Variants in RAD17 observed in about 807,000 individuals in gnomAD.
RAD17 encodes the protein cell cycle checkpoint protein RAD17.
RAD17 carries 31 observed loss-of-function variants against 81.5 expected under a neutral mutation model. That is an observed-to-expected ratio of 0.38 (90% confidence interval 0.29 to 0.51). The LOEUF (loss-of-function observed/expected upper bound fraction) is 0.51, where lower values mean the gene tolerates loss of function less well. Among genes scored for constraint, RAD17 ranks in the 20% least tolerant of loss-of-function variants. The probability of loss-of-function intolerance (pLI) is 0.88; values close to 1 mark genes in which losing one functional copy is unlikely to be tolerated. For missense variants in RAD17, 681 were observed against 781.2 expected (o/e 0.87, Z 1.53); for synonymous variants, 261 against 266.2 (o/e 0.98, Z 0.19).
intron 13 of RAD17, among the ~76,000 whole-genome samples, chr5:69,392,215 A>G (rs533799470): frequency 1.3e-5 from 2 of 152,318 alleles, no homozygotes; most frequent in East Asian, 1.9e-4. Context: ...AAGTAAAAAC[A>G]TGCAATTGCA....
intron 6 of RAD17, 83 bp downstream of exon 6, chr5:69,374,794 G>A: frequency 8.3e-7 from 1 of 1,204,080 alleles, no homozygotes; most frequent in Non-Finnish European, 1.2e-6. Context: ...AAAGTTTTAT[G>A]ATGATTTTGT....
intron 17 of RAD17, among the ~76,000 whole-genome samples, chr5:69,403,300 A>C (rs1259990553): frequency 1.3e-5 from 2 of 152,178 alleles, no homozygotes; most frequent in African/African-American, 4.8e-5. Flanking sequence ...TTAGAGGGAT[A>C]TAGGACAGTT....
intron 6 of RAD17, among the ~76,000 whole-genome samples, chr5:69,378,608 A>T (rs1763653997): frequency 6.6e-6 from 1 of 152,238 alleles, no homozygotes; most frequent in African/African-American, 2.4e-5. Flanking sequence ...GAAAAACACT[A>T]AATTAGGTTT....
chr5:69,395,666 C>T (rs1053528531), intron 15 of RAD17, among the ~76,000 whole-genome samples: 1 of 151,912 alleles, frequency 6.6e-6, no homozygotes, highest in Non-Finnish European at 1.5e-5. Flanking sequence ...TAAATATATA[C>T]AGCTACTAAG....
chr5:69,384,586 G>A (rs1764060883), intron 7 of RAD17, among the ~76,000 whole-genome samples: 1 of 152,196 alleles, frequency 6.6e-6, no homozygotes, highest in Middle Eastern at 3.2e-3. Context: ...AAAGTGCTGG[G>A]ATTACAGGCG....
intron 18 of RAD17, among the ~76,000 whole-genome samples, chr5:69,411,655 A>T (rs1192017839): frequency 6.6e-6 from 1 of 152,198 alleles, no homozygotes; most frequent in African/African-American, 2.4e-5. Context: ...CAGAAAGACC[A>T]TGATGGATGG....
intron 8 of RAD17, 70 bp downstream of exon 8, chr5:69,385,003 A>G (rs1172099004): frequency 1.5e-6 from 2 of 1,331,690 alleles, no homozygotes; most frequent in African/African-American, 3.1e-5. Context: ...ACTGTCACCC[A>G]GGCTGGAGTG....
chr5:69,398,754 C>T (rs1168271579), intron 16 of RAD17, among the ~76,000 whole-genome samples: 1 of 149,656 alleles, frequency 6.7e-6, no homozygotes, highest in Non-Finnish European at 1.5e-5. Context: ...TGCAGTGAGC[C>T]GAGATCATGC....
intron 17 of RAD17, among the ~76,000 whole-genome samples, chr5:69,404,798 C>T (rs1765490046): frequency 6.6e-6 from 1 of 151,468 alleles, no homozygotes; most frequent in South Asian, 2.1e-4. Context: ...TAAAATTAGC[C>T]GGGTGTAGTG....
chr5:69,394,866 G>C (rs1764787690), intron 15 of RAD17, among the ~76,000 whole-genome samples: 2 of 152,150 alleles, frequency 1.3e-5, no homozygotes, highest in Admixed American at 1.3e-4. Flanking sequence ...TATGAGACCA[G>C]CTGGGGCAAT....
chr5:69,383,567 A>T (rs913759250), intron 7 of RAD17, among the ~76,000 whole-genome samples: 58 of 151,400 alleles, frequency 3.8e-4, no homozygotes, highest in African/African-American at 1.3e-3. Flanking sequence ...TTTAGTAGAG[A>T]TGGGGTTTCA....
At chr5:69,394,116 A>G (rs1240081866) in intron 15 of RAD17, among the ~76,000 whole-genome samples, 1 of 147,700 alleles carries the variant, frequency 6.8e-6, no homozygotes, top group Non-Finnish European at 1.5e-5. Flanking sequence ...GTCCAGTGGT[A>G]CAAACATGGT....
intron 17 of RAD17, among the ~76,000 whole-genome samples, chr5:69,401,429 A>C (rs1765259988): frequency 1.3e-5 from 2 of 152,202 alleles, no homozygotes; most frequent in South Asian, 4.1e-4. Flanking sequence ...CCAATTTGTA[A>C]ACATTTTATT....
intron 6 of RAD17, among the ~76,000 whole-genome samples, chr5:69,379,511 A>G (rs1300333917): frequency 2.0e-5 from 3 of 152,178 alleles, no homozygotes; most frequent in African/African-American, 7.2e-5. Flanking sequence ...CATGTGAAGG[A>G]CTTTATGTAG....
rs377737971 is a variant in RAD17 at position 69,396,548 on chromosome 5, TAAAAAA to T, written c.1572+14_1572+19del. The T allele has an allele frequency of 2.2e-6, 3 of 1,342,186 alleles. No individual in the cohort carries two copies. The highest frequency in any genetic ancestry group is 2.9e-5 in the Admixed American group (1 of 34,372). 83.1% of individuals were successfully genotyped at this position (1,342,186 alleles called of 1,614,324 possible). A position where few individuals can be genotyped will look rare whatever the true frequency, so the allele number is the denominator to read the frequency against. On this transcript the variant is annotated splice_donor_5th_base_variant and intron_variant, in intron 16 of 18. Coordinates refer to ENST00000354868, the MANE Select transcript of RAD17 (RefSeq NM_133338.3). ...CAGTGGTTTCTAATAAATAAAAAGG[TAAAAAA>T]AAAAAAAAAAATTCTGTACTTTCAA...
At chr5:69,392,552 CTGT>C (rs888299516) in intron 13 of RAD17, among the ~76,000 whole-genome samples, 1 of 152,116 alleles carries the variant, frequency 6.6e-6, no homozygotes, top group Non-Finnish European at 1.5e-5. Context: ...TAGCAAATGC[CTGT>C]TTTCAGTCTG....
chr5:69,409,337 C>G (rs1196628439), intron 17 of RAD17, among the ~76,000 whole-genome samples: 1 of 152,028 alleles, frequency 6.6e-6, no homozygotes, highest in Non-Finnish European at 1.5e-5. Flanking sequence ...GGAAAGGAAG[C>G]CCCAAACACC....
At chr5:69,398,446 CAA>C (rs765902345) in intron 16 of RAD17, among the ~76,000 whole-genome samples, 2 of 152,182 alleles carry the variant, frequency 1.3e-5, no homozygotes, top group South Asian at 4.2e-4. Context: ...AAGTTGAAAA[CAA>C]AATACACAAC....
At chr5:69,388,935 C>A in intron 11 of RAD17, 99 bp from the exon 12 acceptor site, 1 of 613,584 alleles carries the variant, frequency 1.6e-6, no homozygotes, top group Non-Finnish European at 2.6e-6. Flanking sequence ...TTAAAAGAAT[C>A]TAATTTACGT....
Sources: allele counts gnomAD v4.1 joint callset (sites outside exome capture counted in the v4.1 genomes callset), GRCh38; gene constraint gnomAD v4.1.1; transcripts MANE v1.5; gene names NCBI Gene and HGNC (gene_info 2026-07-23, HGNC 2026-07-21).